Variants in GABRB3 observed in about 807,000 individuals in gnomAD.
GABRB3 encodes gamma-aminobutyric acid receptor subunit beta-3.
Under a neutral mutation model 52.1 loss-of-function variants are expected in GABRB3, and 14 were observed. The observed-to-expected ratio is 0.27, with a 90% CI of 0.18 to 0.42. GABRB3 has a LOEUF of 0.42. GABRB3 is among the 10% of genes least tolerant of loss of function. GABRB3 has a pLI of 1.00. For synonymous variants in GABRB3, 260 were observed against 232.3 expected, an observed-to-expected ratio of 1.12 and a Z score of -1.08; for missense variants, 307 against 609.1, an observed-to-expected ratio of 0.50 and a Z score of 5.22.
chr15:26,582,967 G>A lies in GABRB3; in HGVS notation c.544+365C>T, dbSNP rs1283726869. Among the ~76,000 whole-genome samples, 7 of 152,222 alleles carry A rather than the reference G, an allele frequency of 4.6e-5. No homozygotes were observed. In the South Asian group the frequency reaches 1.2e-3, roughly 27 times the overall value. ...AGAAATAGCCTGCTTGTCAAGCCGA[G>A]TTCCTGATGGGAAATGAGTTTTACT... is the stretch of plus-strand genomic sequence containing the variant. On this transcript the variant is annotated intron_variant, in intron 5 of 8. Transcript: ENST00000311550.
chr15:26,644,767 C>G (rs573969074), intron 3 of GABRB3, among the ~76,000 whole-genome samples: 12 of 152,290 alleles, frequency 7.9e-5, no homozygotes, highest in African/African-American at 2.6e-4. Context: ...TGCCGAACAA[C>G]AGGGCCTTCC....
At chr15:26,769,832 C>T (rs530700963) in intron 3 of GABRB3, among the ~76,000 whole-genome samples, 1 of 152,268 alleles carries the variant, frequency 6.6e-6, no homozygotes, top group Non-Finnish European at 1.5e-5. Flanking sequence ...CCACATCCTA[C>T]CTGTGAACAA....
At chr15:26,684,623 C>T (rs1888344124) in intron 3 of GABRB3, among the ~76,000 whole-genome samples, 1 of 152,124 alleles carries the variant, frequency 6.6e-6, no homozygotes, top group Non-Finnish European at 1.5e-5. Flanking sequence ...CACTTGAACA[C>T]TTACAGGCCA....
chr15:26,662,687 T>C (rs1235594316), intron 3 of GABRB3, among the ~76,000 whole-genome samples: 6 of 152,052 alleles, frequency 3.9e-5, no homozygotes, highest in Non-Finnish European at 8.8e-5. Context: ...GGCCCTCACT[T>C]CTAATGCACA....
In GABRB3 at chr15:26,587,634, C is replaced by T. The variant is rs141872025; in HGVS notation, c.462-4220G>A. Reference sequence around the variant, plus strand: ...CTCTCCAGGGAGCAGCTTCTCAAAGCTTGTGCAGGAGTTGCGTTAAGGTTG... The same window carrying T: ...CTCTCCAGGGAGCAGCTTCTCAAAGTTTGTGCAGGAGTTGCGTTAAGGTTG... On this transcript the variant is annotated intron_variant, in intron 4 of 8. Coordinates refer to ENST00000311550, the MANE Select transcript of GABRB3 (RefSeq NM_000814.6). 1.5e-4 allele frequency among the ~76,000 whole-genome samples: 23 copies of T among 152,192 alleles called. 1 individual carries two copies. The East Asian group carries it at 4.3e-3, about 28-fold the overall frequency.
intron 3 of GABRB3, among the ~76,000 whole-genome samples, chr15:26,693,100 C>G (rs17738241): frequency 0.068 from 10,279 of 152,240 alleles, 680 homozygotes; most frequent in East Asian, 0.41. Flanking sequence ...CACAACAGTT[C>G]CAGCTGGCCA....
At chr15:26,752,281 T>A (rs948094283) in intron 3 of GABRB3, among the ~76,000 whole-genome samples, 1 of 140,230 alleles carries the variant, frequency 7.1e-6, no homozygotes, top group Non-Finnish European at 1.6e-5. Flanking sequence ...TTATTTATTT[T>A]GAGAGGGAGT....
In GABRB3 at chr15:26,547,910, G is replaced by C. The variant is rs765398109; in HGVS notation, c.1305C>G (p.Leu435=). 1.6e-5 allele frequency: 26 copies of C among 1,614,000 alleles called. No homozygotes were observed. Among genetic ancestry groups the C allele is most frequent in the Non-Finnish European group, 2.1e-5 (25 of 1,180,030 alleles). The stretch of plus-strand genomic sequence containing the variant: ...CGGTTAGATCAGGTATTTTAATTTT[G>C]AGCTGTGAAGACCTCCTCCGTAGAT... The part of the protein sequence containing the change: ...KTHLRRRSSQ[L]KIKIPDLTDV... The change falls in exon 9 of 9, where the codon CTC becomes CTG. Residue 435 remains leucine, a synonymous_variant. Coordinates refer to ENST00000311550, the MANE Select transcript of GABRB3 (RefSeq NM_000814.6).
At chr15:26,563,119 G>A (rs537531911) in intron 7 of GABRB3, among the ~76,000 whole-genome samples, 4 of 152,314 alleles carry the variant, frequency 2.6e-5, no homozygotes, top group South Asian at 4.1e-4. Context: ...AAGACCGAGC[G>A]CTTTGCTTTA....
At chr15:26,670,015 C>T (rs1887838233) in intron 3 of GABRB3, among the ~76,000 whole-genome samples, 1 of 152,208 alleles carries the variant, frequency 6.6e-6, no homozygotes, top group Non-Finnish European at 1.5e-5. Flanking sequence ...CCAATGCACC[C>T]CTCATGCTGT....
chr15:26,626,050 T>C (rs1298679448), intron 3 of GABRB3, among the ~76,000 whole-genome samples: 2 of 152,220 alleles, frequency 1.3e-5, no homozygotes, highest in Non-Finnish European at 1.5e-5. Context: ...AACACTGTTT[T>C]TCCAACAGCA....
chr15:26,758,555 G>A (rs186943581), intron 3 of GABRB3, among the ~76,000 whole-genome samples: 257 of 152,230 alleles, frequency 1.7e-3, no homozygotes, highest in African/African-American at 6.0e-3. Flanking sequence ...ATTCAAGCAG[G>A]CAGCTGAGAA....
At chr15:26,603,659 T>G (rs1456995681) in intron 4 of GABRB3, among the ~76,000 whole-genome samples, 1 of 152,052 alleles carries the variant, frequency 6.6e-6, no homozygotes, top group Non-Finnish European at 1.5e-5. Context: ...GTCAACAGAA[T>G]GAAGGACAAA....
At chr15:26,601,238 A>G (rs1248287593) in intron 4 of GABRB3, among the ~76,000 whole-genome samples, 3 of 152,188 alleles carry the variant, frequency 2.0e-5, no homozygotes, top group African/African-American at 7.2e-5. Flanking sequence ...CCCGGCCAAC[A>G]TGGCAAAACC....
At chr15:26,742,923 TC>T (rs1174215384) in intron 3 of GABRB3, among the ~76,000 whole-genome samples, 10 of 103,480 alleles carry the variant, frequency 9.7e-5, no homozygotes, top group Admixed American at 2.9e-4. Context: ...CATTAGAGAT[TC>T]TTTTTTTTTT....
chr15:26,616,585 T>C (rs1437120308), intron 4 of GABRB3, among the ~76,000 whole-genome samples: 2 of 148,682 alleles, frequency 1.3e-5, no homozygotes, highest in Admixed American at 6.7e-5. Flanking sequence ...AGCTAAGGAG[T>C]ATACCTATAC....
At chr15:26,628,375 G>C (rs1364627586) in intron 3 of GABRB3, among the ~76,000 whole-genome samples, 1 of 152,220 alleles carries the variant, frequency 6.6e-6, no homozygotes, top group East Asian at 1.9e-4. Context: ...GGCACTGTGA[G>C]CCCTCAGGGG....
intron 4 of GABRB3, among the ~76,000 whole-genome samples, chr15:26,594,391 G>GAAAT (rs1277492482): frequency 6.6e-6 from 1 of 151,846 alleles, no homozygotes; most frequent in African/African-American, 2.4e-5. Context: ...CATTTGTTTT[G>GAAAT]AATCATTTCA....
At chr15:26,569,639 T>C (rs973589340) in intron 6 of GABRB3, among the ~76,000 whole-genome samples, 15 of 152,252 alleles carry the variant, frequency 9.9e-5, no homozygotes, top group African/African-American at 3.6e-4. Context: ...TTCTTGAGGA[T>C]GAATATGCCA....
Sources: allele counts gnomAD v4.1 joint callset (sites outside exome capture counted in the v4.1 genomes callset), GRCh38; gene constraint gnomAD v4.1.1; transcripts MANE v1.5; gene names NCBI Gene and HGNC (gene_info 2026-07-23, HGNC 2026-07-21).